Variants in DLGAP2 observed in about 807,000 individuals in gnomAD.
DLGAP2 encodes disks large-associated protein 2.
Under a neutral mutation model 100.3 loss-of-function variants are expected in DLGAP2, and 26 were observed. The ratio of observed to expected loss-of-function variants is 0.26; its 90% CI spans 0.19 to 0.36. The LOEUF is 0.36. Ranked by LOEUF, DLGAP2 falls within the 10% of genes least tolerant of loss-of-function variation. The probability of loss-of-function intolerance (pLI) is 1.00; values close to 1 mark genes in which losing one functional copy is unlikely to be tolerated. For missense variants in DLGAP2, 1,858 were observed against 1,453.2 expected, an observed-to-expected ratio of 1.28 and a Z score of -4.53; for synonymous variants, 886 against 630.1, an observed-to-expected ratio of 1.41 and a Z score of -6.08.
chr8:815,309 A>C (rs986110689), intron 1 of DLGAP2, among the ~76,000 whole-genome samples: 1 of 152,190 alleles, frequency 6.6e-6, no homozygotes, highest in Non-Finnish European at 1.5e-5. Context: ...CACTTGGCGG[A>C]GGAGCAGAAC....
chr8:928,895 G>T (rs574262625), intron 2 of DLGAP2, among the ~76,000 whole-genome samples: 1 of 151,872 alleles, frequency 6.6e-6, no homozygotes, highest in Non-Finnish European at 1.5e-5. Flanking sequence ...TAGGGGCAGG[G>T]TGGGCCGGAC....
chr8:1,054,178 G>A lies in DLGAP2; in HGVS notation c.73+146212G>A, dbSNP rs534740960. On this transcript the variant is annotated intron_variant, in intron 2 of 14. Coordinates refer to ENST00000637795, the MANE Select transcript of DLGAP2 (RefSeq NM_001346810.2). ...GGTTTGAGTACAGGCATGAATGCAC[G>A]CACACATGTACACGCACGCACACAC... Among the ~76,000 whole-genome samples, 10 of 152,000 alleles carry A rather than the reference G, an allele frequency of 6.6e-5. No individual in the cohort carries two copies. In the South Asian group the frequency reaches 1.5e-3, roughly 22 times the overall value.
At chr8:1,149,998 G>A (rs1796670727) in intron 2 of DLGAP2, among the ~76,000 whole-genome samples, 1 of 152,204 alleles carries the variant, frequency 6.6e-6, no homozygotes, top group Non-Finnish European at 1.5e-5. Context: ...TTTAAGGTCA[G>A]TAAGACATCA....
At chr8:1,456,246 C>T (rs945979019) in intron 3 of DLGAP2, among the ~76,000 whole-genome samples, 5 of 152,310 alleles carry the variant, frequency 3.3e-5, no homozygotes, top group Middle Eastern at 3.4e-3. Flanking sequence ...GTGTGCTGCA[C>T]GCTGCCTTCC....
intron 3 of DLGAP2, among the ~76,000 whole-genome samples, chr8:1,463,914 T>C (rs569102632): frequency 6.6e-6 from 1 of 152,306 alleles, no homozygotes; most frequent in African/African-American, 2.4e-5. Context: ...CACGCGCTCC[T>C]GGGACACGTG....
At chr8:1,278,167 C>G (rs890955699) in intron 3 of DLGAP2, among the ~76,000 whole-genome samples, 8 of 149,994 alleles carry the variant, frequency 5.3e-5, no homozygotes, top group African/African-American at 1.9e-4. Context: ...GAGCTGTGTT[C>G]CAGCTCTTTC....
chr8:1,279,108 T>C (rs1419902309), intron 3 of DLGAP2, among the ~76,000 whole-genome samples: 2 of 152,236 alleles, frequency 1.3e-5, no homozygotes, highest in Non-Finnish European at 2.9e-5. Flanking sequence ...ATTTTTCTAA[T>C]TGGGACTTGG....
Position 1,554,016 on chromosome 8 carries a change from G to A in DLGAP2, c.1230+4333G>A, listed in dbSNP as rs146492900. On this transcript the variant is annotated intron_variant, in intron 5 of 14. Transcript: ENST00000637795. Reference sequence around the variant, plus strand: ...AAAGGCTTGTCACAGGGCCAGGCACGGTGGCTCACACCTGTCATCCTAGCA... The same window carrying A: ...AAAGGCTTGTCACAGGGCCAGGCACAGTGGCTCACACCTGTCATCCTAGCA... Among the ~76,000 whole-genome samples the A allele has an allele frequency of 5.0e-3, 757 of 152,286 alleles. 24 individuals carry two copies. Among genetic ancestry groups the A allele is most frequent in the Admixed American group, 0.041 (620 of 15,302 alleles).
At position 1,440,076 on chromosome 8, in the gene DLGAP2, C is replaced by T. The variant is rs140647097; in HGVS notation, c.107-61290C>T. Reference sequence around the variant, plus strand: ...CTTCTCAACCTCTGAGCTCAGCTACCTCTCAGGTCCCATTATTCTAGAAAG... The same window carrying T: ...CTTCTCAACCTCTGAGCTCAGCTACTTCTCAGGTCCCATTATTCTAGAAAG... On this transcript the variant is annotated intron_variant, in intron 3 of 14. Coordinates refer to ENST00000637795, the MANE Select transcript of DLGAP2 (RefSeq NM_001346810.2). Among the ~76,000 whole-genome samples the T allele has an allele frequency of 1.0e-3, 159 of 152,248 alleles. No individual in the cohort carries two copies. In the East Asian group the frequency reaches 0.017, roughly 16 times the overall value.
intron 1 of DLGAP2, among the ~76,000 whole-genome samples, chr8:741,212 G>C (rs967981699): frequency 2.6e-5 from 4 of 152,236 alleles, no homozygotes; most frequent in Admixed American, 6.5e-5. Flanking sequence ...AAGTTAAGCA[G>C]ATGGGCTTTG....
chr8:1,683,834 C>CTATATATATATATATATA (rs35210879), intron 12 of DLGAP2, among the ~76,000 whole-genome samples: 17 of 56,134 alleles, frequency 3.0e-4, no homozygotes, highest in Admixed American at 4.1e-4. Flanking sequence ...CTTTGCTCCA[C>CTATATATATATATATATA]TATATATATA....
intron 1 of DLGAP2, among the ~76,000 whole-genome samples, chr8:861,636 G>A (rs193278387): frequency 1.8e-4 from 27 of 152,290 alleles, no homozygotes; most frequent in African/African-American, 6.0e-4. Flanking sequence ...ATCAAATATG[G>A]AATTCCAAAC....
intron 2 of DLGAP2, among the ~76,000 whole-genome samples, chr8:1,208,452 A>G (rs1426251416): frequency 6.6e-6 from 1 of 152,258 alleles, no homozygotes; most frequent in Non-Finnish European, 1.5e-5. Context: ...AACCCTCAGC[A>G]GAATTGGCAT....
At chr8:1,651,766 G>T (rs1798170687) in intron 8 of DLGAP2, among the ~76,000 whole-genome samples, 1 of 152,194 alleles carries the variant, frequency 6.6e-6, no homozygotes, top group Admixed American at 6.5e-5. Context: ...AAATCCTTCT[G>T]ATCGTATTTT....
intron 3 of DLGAP2, among the ~76,000 whole-genome samples, chr8:1,456,194 A>G (rs1378189079): frequency 6.6e-6 from 1 of 152,112 alleles, no homozygotes; most frequent in Non-Finnish European, 1.5e-5. Context: ...ATTCTGCAGC[A>G]TTTTGCAAAC....
At chr8:1,423,616 C>T (rs369196779) in intron 3 of DLGAP2, among the ~76,000 whole-genome samples, 1 of 152,200 alleles carries the variant, frequency 6.6e-6, no homozygotes, top group Non-Finnish European at 1.5e-5. Context: ...GGAGCAGAGG[C>T]TGCTGGGACC....
intron 3 of DLGAP2, among the ~76,000 whole-genome samples, chr8:1,438,863 A>G (rs1285616868): frequency 6.6e-6 from 1 of 152,238 alleles, no homozygotes; most frequent in South Asian, 2.1e-4. Flanking sequence ...AATGGGCTGT[A>G]ATACCAATAT....
At chr8:1,285,822 A>G (rs1799910173) in intron 3 of DLGAP2, among the ~76,000 whole-genome samples, 1 of 152,130 alleles carries the variant, frequency 6.6e-6, no homozygotes, top group Admixed American at 6.5e-5. Flanking sequence ...TTTAAAAATG[A>G]GCTGGGCGTA....
chr8:865,057 T>G (rs1379029427), intron 1 of DLGAP2, among the ~76,000 whole-genome samples: 4 of 152,212 alleles, frequency 2.6e-5, no homozygotes, highest in Non-Finnish European at 4.4e-5. Context: ...TTGGAAATGA[T>G]ATTGTTTTCA....
Sources: allele counts gnomAD v4.1 joint callset (sites outside exome capture counted in the v4.1 genomes callset), GRCh38; gene constraint gnomAD v4.1.1; transcripts MANE v1.5; gene names NCBI Gene and HGNC (gene_info 2026-07-23, HGNC 2026-07-21).